The following CES2 variants were observed in gnomAD, a reference collection of about 807,000 sequenced individuals.
CES2 encodes carboxylesterase 2.
In CES2, 42 loss-of-function variants were observed where a neutral mutation model predicts 52.1. The ratio of observed to expected loss-of-function variants is 0.81; its 90% CI spans 0.63 to 1.04. The LOEUF (loss-of-function observed/expected upper bound fraction) is 1.04. Ranked by LOEUF, CES2 falls within the 50% of genes least tolerant of loss-of-function variation. The pLI is 0.00. For synonymous variants in CES2, 277 were observed against 289.6 expected, an observed-to-expected ratio of 0.96 and a Z score of 0.44; for missense variants, 656 against 724.3, an observed-to-expected ratio of 0.91 and a Z score of 1.08.
Position 66,941,148 on chromosome 16 carries a change from G to T in CES2, c.841G>T (p.Asp281Tyr). The T allele has an allele frequency of 6.2e-7, 1 of 1,613,992 alleles. No individual in the cohort carries two copies. Among genetic ancestry groups the T allele is most frequent in the South Asian group, 1.1e-5 (1 of 91,030 alleles). Reference protein sequence around the residue: ...STVVANLSACDQVDSEALVGC... With the variant: ...STVVANLSACYQVDSEALVGC... Reference sequence around the variant, plus strand: ...GGTGGTGGCCAACCTGTCTGCCTGTGACCAAGTTGACTCTGAGGCCCTGGT... The same window carrying T: ...GGTGGTGGCCAACCTGTCTGCCTGTTACCAAGTTGACTCTGAGGCCCTGGT... Residue 281 changes from aspartate (D) to tyrosine (Y), a missense_variant, in exon 6 of 12, where the codon GAC becomes TAC. Physicochemically the swap from Asp to Tyr is radical, Grantham distance 160 (BLOSUM62 -3). Transcript: ENST00000317091.
chr16:66,937,141 C>A (rs566884355), intron 1 of CES2, among the ~76,000 whole-genome samples: 1 of 152,120 alleles, frequency 6.6e-6, no homozygotes, highest in South Asian at 2.1e-4. Flanking sequence ...CATATTACTG[C>A]ATTCCAGCCT....
In CES2 at chr16:66,944,306, C is replaced by CAAAAA. The variant is rs35024917; in HGVS notation, c.*295_*299dup. ...AGGGCAACACAGTGAGACCCCTTCTCAAAAAAAAAAAAAAAAAAGAGAGAG... is the reference window on the plus strand; with the variant it reads ...AGGGCAACACAGTGAGACCCCTTCTCAAAAAAAAAAAAAAAAAAAAAAAGAGAGAG... On this transcript the variant is annotated 3_prime_UTR_variant, in exon 12 of 12. Transcript: ENST00000317091. 2.6e-5 allele frequency: 2 copies of CAAAAA among 78,216 alleles called. No homozygotes were observed. The highest frequency in any genetic ancestry group is 1.6e-4 in the Admixed American group (1 of 6,280). The allele number at this position is 78,216 out of a possible 1,614,324, so 4.8% of individuals were successfully genotyped here.
At chr16:66,941,361 G>A in intron 6 of CES2, 139 bp downstream of exon 6, 1 of 1,512,366 alleles carries the variant, frequency 6.6e-7, no homozygotes, top group African/African-American at 1.4e-5. Context: ...GGGACTGAAG[G>A]TCGGTGCATG....
chr16:66,936,627 G>A (rs1963222895), intron 1 of CES2, among the ~76,000 whole-genome samples: 1 of 152,198 alleles, frequency 6.6e-6, no homozygotes, highest in Admixed American at 6.5e-5. Flanking sequence ...GGCTCTGTGT[G>A]CCTGCCAGGC....
At chr16:66,942,492 C>T (rs1963390948) in intron 9 of CES2, 156 bp from the exon 10 acceptor site, 4 of 862,852 alleles carry the variant, frequency 4.6e-6, no homozygotes, top group South Asian at 3.7e-5. Context: ...AGCAAAGAAT[C>T]GCAAGTCCTT....
rs752442284 is a variant in CES2 at position 66,941,581 on chromosome 16, G to A, written c.991G>A (p.Asp331Asn). 2.8e-5 allele frequency: 45 copies of A among 1,614,128 alleles called. No individual in the cohort carries two copies. In the Middle Eastern group the frequency reaches 4.9e-4, roughly 18 times the overall value. The change falls in exon 7 of 12, where the codon GAC becomes AAC. Residue 331 changes from aspartate (D) to asparagine (N), a missense_variant. By Grantham distance (23) the Asp-to-Asn change is conservative (BLOSUM62 1). Transcript: ENST00000317091. ...RHPQELLASA[D>N]FQPVPSIVGV... ...CCCCCAGGAGCTGCTGGCCTCTGCC[G>A]ACTTTCAGCCTGTCCCTAGCATTGT...
In CES2 at chr16:66,941,021, A is replaced by G. The variant is rs1301291241; in HGVS notation, c.817-103A>G. 3 of 1,503,156 alleles carry G rather than the reference A, an allele frequency of 2.0e-6. No individual in the cohort carries two copies. The African/African-American group carries it at 4.2e-5, about 21-fold the overall frequency. The allele number at this position is 1,503,156 out of a possible 1,614,324, so 93.1% of individuals were successfully genotyped here. ...AGAACTGCAGGAACTCATACGAAGT[A>G]CCCTCTGAGATTTGGGGTACCCCTG... On this transcript the variant is annotated intron_variant, in intron 5 of 11. Transcript: ENST00000317091.
upstream of CES2, chr16:66,934,474 A>G (rs994962186): frequency 7.1e-7 from 1 of 1,409,460 alleles, no homozygotes; most frequent in Non-Finnish European, 9.3e-7. The surrounding 1 kb of genome is among the most constrained non-coding windows in gnomAD (Gnocchi z 4.1). Flanking sequence ...CGCGAGGGAC[A>G]CGCCGCGTTG....
At chr16:66,938,010 C>G (rs778744030) in intron 1 of CES2, 27 bp from the exon 2 acceptor site, 2 of 1,603,074 alleles carry the variant, frequency 1.2e-6, no homozygotes, top group Admixed American at 1.7e-5. Context: ...TCAAACCCAA[C>G]CGTGATGTCT....
intron 1 of CES2, 32 bp from the exon 2 acceptor site, chr16:66,938,005 C>T (rs1193078940): frequency 6.3e-7 from 1 of 1,597,706 alleles, no homozygotes; most frequent in South Asian, 1.1e-5. Flanking sequence ...ATTGGTCAAA[C>T]CCAACCGTGA....
At chr16:66,940,129 A>G in intron 3 of CES2, 93 bp from the exon 4 acceptor site, 1 of 1,530,672 alleles carries the variant, frequency 6.5e-7, no homozygotes, top group Non-Finnish European at 8.9e-7. Context: ...ATGGGGAGGT[A>G]GACAGAGGCA....
Position 66,936,882 on chromosome 16 carries a change from A to G in CES2, c.77-1155A>G, listed in dbSNP as rs2145499041. 2.0e-5 allele frequency among the ~76,000 whole-genome samples: 3 copies of G among 152,176 alleles called. No individual in the cohort carries two copies. In the East Asian group the frequency reaches 5.8e-4, roughly 29 times the overall value. On this transcript the variant is annotated intron_variant, in intron 1 of 11. Coordinates refer to ENST00000317091, the MANE Select transcript of CES2 (RefSeq NM_001365405.1). ...GATCTGCCTGGCCTCACAGATGGCT[A>G]CCTTTTAAAATATTTTGGGCCAGGC...
rs760137766 is a variant in CES2 at position 66,944,327 on chromosome 16, G to GAAAA, written c.*303_*304insAAAA. The GAAAA allele has an allele frequency of 4.6e-6, 1 of 215,336 alleles. No individual in the cohort carries two copies. The highest frequency in any genetic ancestry group is 2.9e-5 in the African/African-American group (1 of 34,316). 13.3% of individuals were successfully genotyped at this position (215,336 alleles called of 1,614,324 possible). A position where few individuals can be genotyped will look rare whatever the true frequency, so the allele number is the denominator to read the frequency against. ...TTCTCAAAAAAAAAAAAAAAAAAGA[G>GAAAA]AGAGTGTGTGATTAGAAGCTAAATA... On this transcript the variant is annotated 3_prime_UTR_variant, in exon 12 of 12. Transcript: ENST00000317091.
In CES2 at chr16:66,942,152, G is replaced by A; in HGVS notation, c.1185G>A (p.Gly395=). The part of the protein sequence containing the change: ...FGDLLREEYI[G]DNGDPQTLQA... ...ACCTGCTGAGGGAGGAGTACATTGGGGACAATGGGGATCCCCAGACCCTCC... is the reference window on the plus strand; with the variant it reads ...ACCTGCTGAGGGAGGAGTACATTGGAGACAATGGGGATCCCCAGACCCTCC... Residue 395 remains glycine, a synonymous_variant, in exon 9 of 12, where the codon GGG becomes GGA. Coordinates refer to ENST00000317091, the MANE Select transcript of CES2 (RefSeq NM_001365405.1). 6.2e-7 allele frequency: 1 copy of A among 1,613,552 alleles called. No individual in the cohort carries two copies. The highest frequency in any genetic ancestry group is 8.5e-7 in the Non-Finnish European group (1 of 1,179,616).
chr16:66,935,703 G>A lies in CES2; in HGVS notation c.68G>A (p.Arg23Gln), dbSNP rs764412510. ...VACGLLLLLV[R>Q]GQGQDSASPI... ...TGTGGGCTTCTGCTGCTTCTTGTCC[G>A]GGGCCAGGGTGAGGCTCCCTCGGAG... Residue 23 changes from arginine to glutamine, a missense_variant, in exon 1 of 12, where the codon CGG becomes CAG. Coordinates refer to ENST00000317091, the MANE Select transcript of CES2 (RefSeq NM_001365405.1). 1.7e-5 allele frequency: 27 copies of A among 1,600,286 alleles called. No homozygotes were observed. The highest frequency in any genetic ancestry group is 2.1e-5 in the Non-Finnish European group (25 of 1,179,834).
upstream of CES2, chr16:66,934,695 T>G (rs1339108479): frequency 3.6e-6 from 1 of 278,524 alleles, no homozygotes; most frequent in Non-Finnish European, 6.8e-6. This position sits in a 1 kb window ranked among gnomAD's most constrained non-coding sequence, Gnocchi z 4.1. Flanking sequence ...CACCGCTTCC[T>G]CCTGGAAGTC....
Position 66,935,701 on chromosome 16 carries a change from C to A in CES2, c.66C>A (p.Val22=). ...AVACGLLLLL[V]RGQGQDSASP... ...CCTGTGGGCTTCTGCTGCTTCTTGT[C>A]CGGGGCCAGGGTGAGGCTCCCTCGG... Residue 22 remains valine (V), a synonymous_variant, in exon 1 of 12, where the codon GTC becomes GTA. Transcript: ENST00000317091. 1 of 1,600,542 alleles carries A rather than the reference C, an allele frequency of 6.2e-7. No homozygotes were observed. The highest frequency in any genetic ancestry group is 8.5e-7 in the Non-Finnish European group (1 of 1,179,828).
rs538124440 is a variant in CES2 at position 66,941,823 on chromosome 16, C to G, written c.1112C>G (p.Ala371Gly). Residue 371 changes from alanine (A) to glycine (G), a missense_variant, in exon 8 of 12, where the codon GCT (alanine) becomes GGT (glycine). By Grantham distance (60) the Ala-to-Gly change is moderately conservative. Transcript: ENST00000317091. ...ATGGACAGAGAGGCCTCCCAGGCTGCTCTGCAGAAAATGTTAACGCTGCTG... is the reference window on the plus strand; with the variant it reads ...ATGGACAGAGAGGCCTCCCAGGCTGGTCTGCAGAAAATGTTAACGCTGCTG... ...KEMDREASQA[A>G]LQKMLTLLML... The G allele has an allele frequency of 6.2e-7, 1 of 1,614,146 alleles. No homozygotes were observed. Among genetic ancestry groups the G allele is most frequent in the Non-Finnish European group, 8.5e-7 (1 of 1,180,008 alleles).
chr16:66,942,853 G>A, intron 10 of CES2, 68 bp downstream of exon 10: 2 of 1,608,618 alleles, frequency 1.2e-6, no homozygotes, highest in Non-Finnish European at 1.7e-6. Context: ...ATGATTGATT[G>A]TCCTCACTGC....
Sources: allele counts gnomAD v4.1 joint callset (sites outside exome capture counted in the v4.1 genomes callset), GRCh38; gene constraint gnomAD v4.1.1; non-coding constraint Gnocchi (gnomAD v3.1); transcripts MANE v1.5; gene names NCBI Gene and HGNC (gene_info 2026-07-23, HGNC 2026-07-21).